Variants in RALGPS1 observed in about 807,000 individuals in gnomAD.
RALGPS1 encodes the protein ras-specific guanine nucleotide-releasing factor RalGPS1.
A neutral mutation model predicts 78.8 loss-of-function variants in RALGPS1; 19 were observed. That is an observed-to-expected ratio of 0.24 (90% CI 0.17 to 0.35). The LOEUF (loss-of-function observed/expected upper bound fraction) is 0.35. Ranked by LOEUF, RALGPS1 falls within the 10% of genes least tolerant of loss-of-function variation. The pLI is 1.00. For missense variants in RALGPS1, 454 were observed against 688.3 expected (o/e 0.66, Z 3.81); for synonymous variants, 228 against 256.3 (o/e 0.89, Z 1.06).
intron 11 of RALGPS1, among the ~76,000 whole-genome samples, chr9:127,182,466 G>A (rs1471770473): frequency 7.8e-6 from 1 of 129,022 alleles, no homozygotes; most frequent in Non-Finnish European, 1.6e-5. Flanking sequence ...GTCTCGCTCT[G>A]TCACCCAGGC....
intron 8 of RALGPS1, among the ~76,000 whole-genome samples, chr9:127,096,871 A>T (rs1424730790): frequency 6.6e-6 from 1 of 152,188 alleles, no homozygotes; most frequent in Non-Finnish European, 1.5e-5. Flanking sequence ...CTAGCCACGT[A>T]TTTCCACAGG....
intron 4 of RALGPS1, among the ~76,000 whole-genome samples, chr9:127,001,118 C>G (rs1310509179): frequency 1.3e-5 from 2 of 150,626 alleles, no homozygotes; most frequent in Admixed American, 1.3e-4. Flanking sequence ...CAAAACAAAA[C>G]AAAACAAAAC....
In RALGPS1 at chr9:127,010,923, C is replaced by G. The variant is rs184192914; in HGVS notation, c.217-23508C>G. Among the ~76,000 whole-genome samples, 855 of 152,302 alleles carry G rather than the reference C, an allele frequency of 5.6e-3. 4 individuals are homozygous for G. Among genetic ancestry groups the G allele is most frequent in the Non-Finnish European group, 9.7e-3 (659 of 68,026 alleles). ...TCCTTTGGTCTCTGATGTGCTGTCT[C>G]TTTGTGGGATAAAGTCTGCCTCTGG... On this transcript the variant is annotated intron_variant, in intron 4 of 18. Coordinates refer to ENST00000259351, the MANE Select transcript of RALGPS1 (RefSeq NM_014636.3).
intron 18 of RALGPS1, chr9:127,217,514 T>G: frequency 1.2e-6 from 1 of 832,992 alleles, no homozygotes; most frequent in Non-Finnish European, 1.4e-6. Context: ...CTTGTTTTTA[T>G]TAACACTGAA....
chr9:127,155,042 T>C (rs1333514562), intron 8 of RALGPS1, among the ~76,000 whole-genome samples: 3 of 152,214 alleles, frequency 2.0e-5, no homozygotes, highest in Non-Finnish European at 4.4e-5. Context: ...GGAAGCACTT[T>C]ATAGCACTCT....
At chr9:127,196,235 G>C (rs1411576583) in intron 12 of RALGPS1, among the ~76,000 whole-genome samples, 1 of 152,240 alleles carries the variant, frequency 6.6e-6, no homozygotes, top group East Asian at 1.9e-4. Context: ...CCACCAGGGG[G>C]ATGGGCAGGG....
intron 8 of RALGPS1, among the ~76,000 whole-genome samples, chr9:127,119,071 G>C (rs1245004699): frequency 6.6e-6 from 1 of 151,984 alleles, no homozygotes; most frequent in African/African-American, 2.4e-5. Flanking sequence ...ACTGAGCTGG[G>C]GACAGAGTTT....
intron 4 of RALGPS1, among the ~76,000 whole-genome samples, chr9:127,004,179 C>T (rs561558783): frequency 2.0e-5 from 3 of 151,708 alleles, no homozygotes; most frequent in African/African-American, 7.3e-5. Flanking sequence ...GAGTTTTACT[C>T]TTGTTGCCCA....
At chr9:127,190,012 C>A (rs1184132598) in intron 11 of RALGPS1, among the ~76,000 whole-genome samples, 2 of 152,194 alleles carry the variant, frequency 1.3e-5, no homozygotes, top group Non-Finnish European at 2.9e-5. Context: ...TACCTATTGT[C>A]CTCACTATCC....
intron 17 of RALGPS1, 120 bp from the exon 18 acceptor site, chr9:127,214,631 G>A: frequency 9.7e-6 from 14 of 1,446,114 alleles, no homozygotes; most frequent in East Asian, 2.6e-5. Flanking sequence ...GCATGTTCCA[G>A]CTCACCTGGG....
intron 8 of RALGPS1, among the ~76,000 whole-genome samples, chr9:127,110,807 T>A (rs1322514650): frequency 6.6e-6 from 1 of 151,964 alleles, no homozygotes; most frequent in African/African-American, 2.4e-5. Context: ...ATTCTTAGAG[T>A]CCTGTGTCTC....
At chr9:127,112,377 G>A (rs1045977782) in intron 8 of RALGPS1, among the ~76,000 whole-genome samples, 2 of 152,226 alleles carry the variant, frequency 1.3e-5, no homozygotes, top group Admixed American at 1.3e-4. Flanking sequence ...CTGGGCCAAC[G>A]CCTTCTTCAG....
At chr9:126,986,510 A>G (rs114545632) in intron 4 of RALGPS1, among the ~76,000 whole-genome samples, 2,062 of 152,188 alleles carry the variant, frequency 0.014, 53 homozygotes, top group African/African-American at 0.047. Flanking sequence ...CTAAAAGGGT[A>G]TGTTTTCAAG....
intron 11 of RALGPS1, among the ~76,000 whole-genome samples, chr9:127,186,145 CT>C (rs2060628460): frequency 6.6e-6 from 1 of 152,188 alleles, no homozygotes; most frequent in Non-Finnish European, 1.5e-5. Flanking sequence ...CTGTTGCTTT[CT>C]TGAAAGAAGT....
At chr9:127,119,138 C>G (rs1465558281) in intron 8 of RALGPS1, among the ~76,000 whole-genome samples, 1 of 152,188 alleles carries the variant, frequency 6.6e-6, no homozygotes, top group Non-Finnish European at 1.5e-5. Flanking sequence ...TGGAACAAGT[C>G]AGCCAACCTG....
At chr9:127,163,800 A>G (rs962323986) in intron 8 of RALGPS1, among the ~76,000 whole-genome samples, 1 of 152,360 alleles carries the variant, frequency 6.6e-6, no homozygotes, top group African/African-American at 2.4e-5. Flanking sequence ...GTGCTCATCT[A>G]TCCATGCACA....
chr9:126,939,083 A>AG (rs1191933349), intron 1 of RALGPS1, among the ~76,000 whole-genome samples: 1 of 152,062 alleles, frequency 6.6e-6, no homozygotes, highest in Non-Finnish European at 1.5e-5. Flanking sequence ...GAAGTGGGAG[A>AG]GGGGGGCAGA....
intron 14 of RALGPS1, among the ~76,000 whole-genome samples, chr9:127,200,143 CAT>C (rs1324338730): frequency 6.6e-6 from 1 of 152,142 alleles, no homozygotes; most frequent in African/African-American, 2.4e-5. Context: ...CATAAACACT[CAT>C]ATGCATACAC....
chr9:127,200,378 A>G (rs1298305565), intron 14 of RALGPS1, among the ~76,000 whole-genome samples: 2 of 152,250 alleles, frequency 1.3e-5, no homozygotes, highest in Non-Finnish European at 2.9e-5. Context: ...CACAACAGCC[A>G]TTCATAGTGT....
Sources: gnomAD v4.1 joint callset for allele counts (sites outside exome capture counted in the v4.1 genomes callset) on GRCh38, gnomAD v4.1.1 for gene constraint, MANE v1.5 for transcripts, NCBI Gene and HGNC (gene_info 2026-07-23, HGNC 2026-07-21) for gene names.